Variants in BTF3L4 observed in about 807,000 individuals in gnomAD.
BTF3L4 encodes the protein transcription factor BTF3 homolog 4.
In BTF3L4, 6 loss-of-function variants were observed where a neutral mutation model predicts 16.8. The observed-to-expected ratio is 0.36, with a 90% CI of 0.20 to 0.71. The LOEUF (loss-of-function observed/expected upper bound fraction) is 0.71. BTF3L4 is among the 30% of genes least tolerant of loss of function. BTF3L4 has a pLI of 0.58. For missense variants in BTF3L4, 92 were observed against 186.9 expected (o/e 0.49, Z 2.96); for synonymous variants, 39 against 59.8 (o/e 0.65, Z 1.60).
At chr1:52,062,903 C>T (rs1040191049) in intron 2 of BTF3L4, among the ~76,000 whole-genome samples, 4 of 145,694 alleles carry the variant, frequency 2.7e-5, no homozygotes, top group South Asian at 2.3e-4. Flanking sequence ...ATGAGGAGTG[C>T]GCATCCTAGT....
intron 3 of BTF3L4, among the ~76,000 whole-genome samples, chr1:52,081,693 CT>C (rs1643925539): frequency 6.6e-6 from 1 of 152,120 alleles, no homozygotes; most frequent in East Asian, 1.9e-4. Flanking sequence ...TTTAGAACAG[CT>C]GGGTTGAATG....
At position 52,089,244 on chromosome 1, in the gene BTF3L4, A is replaced by T. The variant is rs541702418; in HGVS notation, c.*2486A>T. On this transcript the variant is annotated 3_prime_UTR_variant, in exon 6 of 6. Transcript: ENST00000313334. Reference sequence around the variant, plus strand: ...CCTTTTGATCACATTTTAGCTACTTATCTAGAGGATCTCTGGCCAAGTATT... The same window carrying T: ...CCTTTTGATCACATTTTAGCTACTTTTCTAGAGGATCTCTGGCCAAGTATT... 14 of 152,242 alleles carry T rather than the reference A, an allele frequency of 9.2e-5. No homozygotes were observed. The East Asian group carries it at 1.2e-3, about 13-fold the overall frequency. The allele number at this position is 152,242 out of a possible 1,614,324, so 9.4% of individuals were successfully genotyped here.
chr1:52,057,100 T>C (rs1354063619), intron 1 of BTF3L4, among the ~76,000 whole-genome samples: 1 of 152,250 alleles, frequency 6.6e-6, no homozygotes, highest in Non-Finnish European at 1.5e-5. Context: ...CGTGGTGTTA[T>C]ACCTTTCCAA....
intron 3 of BTF3L4, among the ~76,000 whole-genome samples, chr1:52,075,865 A>T (rs1686920312): frequency 6.6e-6 from 1 of 151,776 alleles, no homozygotes; most frequent in Non-Finnish European, 1.5e-5. Flanking sequence ...GGGTTTTATC[A>T]TGTTGGCCAG....
chr1:52,089,819 ATATC>A lies in BTF3L4; in HGVS notation c.*3062_*3065del, dbSNP rs1444710985. The A allele has an allele frequency of 6.6e-6, 1 of 152,220 alleles. No individual in the cohort carries two copies. Among genetic ancestry groups the A allele is most frequent in the Non-Finnish European group, 1.5e-5 (1 of 68,042 alleles). The allele number at this position is 152,220 out of a possible 1,614,324, so 9.4% of individuals were successfully genotyped here. On this transcript the variant is annotated 3_prime_UTR_variant, in exon 6 of 6. Transcript: ENST00000313334. Reference sequence around the variant, plus strand: ...TCCCATTAAGTAATGGTTTAAGAATATATCAAGCACCTTAATTTGTTGTTAAGTA... The same window carrying A: ...TCCCATTAAGTAATGGTTTAAGAATAAAGCACCTTAATTTGTTGTTAAGTA...
chr1:52,072,625 T>C (rs1312791455), intron 3 of BTF3L4, among the ~76,000 whole-genome samples: 1 of 152,158 alleles, frequency 6.6e-6, no homozygotes, highest in Non-Finnish European at 1.5e-5. Context: ...AACTTAGTGT[T>C]TTCAGGGTTC....
intron 4 of BTF3L4, among the ~76,000 whole-genome samples, chr1:52,084,907 T>G (rs1643956147): frequency 6.6e-6 from 1 of 151,898 alleles, no homozygotes; most frequent in Non-Finnish European, 1.5e-5. Context: ...AAGATAGTCC[T>G]GGTTTCAAAT....
intron 1 of BTF3L4, among the ~76,000 whole-genome samples, chr1:52,057,344 T>C (rs1044321902): frequency 6.6e-6 from 1 of 152,216 alleles, no homozygotes; most frequent in African/African-American, 2.4e-5. Flanking sequence ...ACACCCTTTC[T>C]TGAGTCCTTG....
At chr1:52,060,290 A>C in intron 2 of BTF3L4, 1 of 303,242 alleles carries the variant, frequency 3.3e-6, no homozygotes, top group Non-Finnish European at 6.5e-6. Flanking sequence ...TTAATAAATT[A>C]TAGCTATTAT....
chr1:52,061,697 A>G (rs1332040850), intron 2 of BTF3L4, among the ~76,000 whole-genome samples: 25 of 133,846 alleles, frequency 1.9e-4, no homozygotes, highest in Non-Finnish European at 3.2e-4. Context: ...CTGGAGTTCA[A>G]TGGCACGATC....
chr1:52,064,810 T>G lies in BTF3L4; in HGVS notation c.55-15T>G. 1 of 1,567,042 alleles carries G rather than the reference T, an allele frequency of 6.4e-7. No individual in the cohort carries two copies. Among genetic ancestry groups the G allele is most frequent in the Non-Finnish European group, 8.7e-7 (1 of 1,144,982 alleles). On this transcript the variant is annotated splice_polypyrimidine_tract_variant and intron_variant, in intron 2 of 5. Transcript: ENST00000313334. ...GGCATGCTAACACTTCTGCTTCTGTTTGGTTATTTTTCAGGGTACAGCTCG... is the reference window on the plus strand; with the variant it reads ...GGCATGCTAACACTTCTGCTTCTGTGTGGTTATTTTTCAGGGTACAGCTCG...
At chr1:52,085,800 G>T (rs377360104) in intron 4 of BTF3L4, among the ~76,000 whole-genome samples, 1 of 152,130 alleles carries the variant, frequency 6.6e-6, no homozygotes, top group Non-Finnish European at 1.5e-5. Flanking sequence ...AGCCAAGATC[G>T]CATCACTACA....
chr1:52,072,017 A>AG lies in BTF3L4; in HGVS notation c.168+7082dup, dbSNP rs961463463. Among the ~76,000 whole-genome samples, 19 of 35,880 alleles carry AG rather than the reference A, an allele frequency of 5.3e-4. 1 individual carries two copies. In the South Asian group the frequency reaches 0.014, roughly 26 times the overall value. The allele number at this position is 35,880 out of a possible 152,430, so 23.5% of individuals were successfully genotyped here. ...TATCACAAAATTTGCCATTTTAGCC[A>AG]GGGTTTTTTTTTGTTTTTTTTTTTT... On this transcript the variant is annotated intron_variant, in intron 3 of 5. Coordinates refer to ENST00000313334, the MANE Select transcript of BTF3L4 (RefSeq NM_152265.5).
At chr1:52,082,679 C>T (rs1338833334) in intron 3 of BTF3L4, among the ~76,000 whole-genome samples, 3 of 150,966 alleles carry the variant, frequency 2.0e-5, no homozygotes, top group Non-Finnish European at 4.4e-5. Context: ...GCAGAGGCTG[C>T]AGTGAACCGA....
At chr1:52,074,506 G>A (rs970267863) in intron 3 of BTF3L4, among the ~76,000 whole-genome samples, 1 of 152,198 alleles carries the variant, frequency 6.6e-6, no homozygotes, top group African/African-American at 2.4e-5. Flanking sequence ...TGGGACTACA[G>A]GCATGCACCA....
At position 52,070,825 on chromosome 1, in the gene BTF3L4, G is replaced by A. The variant is rs529080512; in HGVS notation, c.168+5887G>A. Among the ~76,000 whole-genome samples the A allele has an allele frequency of 8.6e-5, 13 of 151,692 alleles. No individual in the cohort carries two copies. The South Asian group carries it at 2.1e-3, about 24-fold the overall frequency. On this transcript the variant is annotated intron_variant, in intron 3 of 5. Transcript: ENST00000313334. ...TAATTTTTATATTTTTAGTAGAGACGGGGTTTCACCACATTGGCCAGGCTC... is the reference window on the plus strand; with the variant it reads ...TAATTTTTATATTTTTAGTAGAGACAGGGTTTCACCACATTGGCCAGGCTC...
chr1:52,071,410 G>A lies in BTF3L4; in HGVS notation c.168+6472G>A, dbSNP rs776355293. ...AATATGTTTTTCGCTATCTCATATC[G>A]TGGTGTATAATGGTAACTTATTAAT... is the stretch of plus-strand genomic sequence containing the variant. On this transcript the variant is annotated intron_variant, in intron 3 of 5. Coordinates refer to ENST00000313334, the MANE Select transcript of BTF3L4 (RefSeq NM_152265.5). 3.3e-5 allele frequency: 5 copies of A among 152,204 alleles called. No homozygotes were observed. In the East Asian group the frequency reaches 7.7e-4, roughly 23 times the overall value. The allele number at this position is 152,204 out of a possible 1,614,324, so 9.4% of individuals were successfully genotyped here.
At position 52,088,912 on chromosome 1, in the gene BTF3L4, G is replaced by GA. The variant is rs201164604; in HGVS notation, c.*2155dup. On this transcript the variant is annotated 3_prime_UTR_variant, in exon 6 of 6. Transcript: ENST00000313334. ...CTGTCTCAGCCTCCACAGTAGCTGG[G>GA]ATTTTTTTTTTTTTTTTTTGTATTT... The GA allele has an allele frequency of 1.6e-5, 2 of 128,312 alleles. No homozygotes were observed. The highest frequency in any genetic ancestry group is 3.1e-5 in the Non-Finnish European group (2 of 63,940). The allele number at this position is 128,312 out of a possible 1,614,324, so 7.9% of individuals were successfully genotyped here.
chr1:52,077,187 G>T (rs971532034), intron 3 of BTF3L4, among the ~76,000 whole-genome samples: 4 of 152,142 alleles, frequency 2.6e-5, no homozygotes, highest in Non-Finnish European at 5.9e-5. Context: ...GGTATAGGAA[G>T]AAGTCAGTAA....
Sources: gnomAD v4.1 joint callset for allele counts (sites outside exome capture counted in the v4.1 genomes callset) on GRCh38, gnomAD v4.1.1 for gene constraint, MANE v1.5 for transcripts, NCBI Gene and HGNC (gene_info 2026-07-23, HGNC 2026-07-21) for gene names.